TMEM181: variants seen among roughly 807,000 people sequenced by gnomAD.
The protein encoded by TMEM181 is transmembrane protein 181.
TMEM181 carries 39 observed loss-of-function variants against 71.9 expected under a neutral mutation model. The observed-to-expected ratio is 0.54, with a 90% CI of 0.42 to 0.71. The LOEUF is 0.71. TMEM181 is among the 30% of genes least tolerant of loss of function. The pLI is 0.00. For missense variants in TMEM181, 595 were observed against 583.0 expected (o/e 1.02, Z -0.21); for synonymous variants, 245 against 228.8 (o/e 1.07, Z -0.64).
upstream of TMEM181, among the ~76,000 whole-genome samples, chr6:158,557,173 A>G (rs12194633): frequency 6.6e-6 from 1 of 152,162 alleles, no homozygotes; most frequent in African/African-American, 2.4e-5. Flanking sequence ...CCAGGAGTTC[A>G]AGACCAGCCT....
chr6:158,622,268 GCT>G (rs546552555), intron 10 of TMEM181, among the ~76,000 whole-genome samples: 3 of 152,206 alleles, frequency 2.0e-5, no homozygotes, highest in South Asian at 2.1e-4. Flanking sequence ...TGTGTGACGT[GCT>G]CTCTCTTTTT....
upstream of TMEM181, chr6:158,560,053 T>G (rs1342495077): frequency 1.3e-5 from 13 of 984,640 alleles, no homozygotes; most frequent in Admixed American, 6.2e-5. Context: ...GCCGTGAGAG[T>G]CGCTTCCGCG....
At chr6:158,562,186 G>C (rs1782218511) in intron 1 of TMEM181, among the ~76,000 whole-genome samples, 1 of 152,148 alleles carries the variant, frequency 6.6e-6, no homozygotes, top group Admixed American at 6.5e-5. Flanking sequence ...AAATGTAGGA[G>C]AGATTGCCAT....
At chr6:158,560,697 G>T (rs766723704) in intron 1 of TMEM181, among the ~76,000 whole-genome samples, 1 of 152,234 alleles carries the variant, frequency 6.6e-6, no homozygotes, top group Non-Finnish European at 1.5e-5. Flanking sequence ...CGCCGGGTGC[G>T]AGGCTCTCAG....
chr6:158,600,069 T>C (rs775610082), intron 6 of TMEM181, among the ~76,000 whole-genome samples: 4 of 152,202 alleles, frequency 2.6e-5, no homozygotes, highest in Non-Finnish European at 4.4e-5. Flanking sequence ...CAGGGTCTCA[T>C]TTGAAAGCTG....
intron 1 of TMEM181, among the ~76,000 whole-genome samples, chr6:158,542,441 C>G (rs1781388252): frequency 6.6e-6 from 1 of 152,158 alleles, no homozygotes; most frequent in Non-Finnish European, 1.5e-5. Context: ...TCTAGCAAGA[C>G]CAAGTAACTT....
intron 1 of TMEM181, among the ~76,000 whole-genome samples, chr6:158,541,717 G>A (rs900158347): frequency 1.3e-5 from 2 of 152,114 alleles, no homozygotes; most frequent in African/African-American, 4.8e-5. Context: ...TAAGGCCAAC[G>A]TTATTTCCTG....
chr6:158,561,606 C>A (rs1446196981), intron 1 of TMEM181, among the ~76,000 whole-genome samples: 1 of 152,144 alleles, frequency 6.6e-6, no homozygotes, highest in Non-Finnish European at 1.5e-5. Context: ...GGGCCTTGGC[C>A]AGGACAGGGA....
At chr6:158,603,444 C>T (rs913448870) in intron 6 of TMEM181, among the ~76,000 whole-genome samples, 2 of 152,208 alleles carry the variant, frequency 1.3e-5, no homozygotes, top group South Asian at 2.1e-4. Context: ...CGGTAATGCT[C>T]GCTGGCCCAC....
chr6:158,618,308 T>TTTGTTG (rs376129600), intron 10 of TMEM181, among the ~76,000 whole-genome samples: 135 of 151,858 alleles, frequency 8.9e-4, no homozygotes, highest in Middle Eastern at 3.4e-3. Context: ...AACCCCTGCT[T>TTTGTTG]TTGTTGTTGT....
At chr6:158,631,195 A>G in intron 15 of TMEM181, 128 bp from the exon 16 acceptor site, 1 of 937,370 alleles carries the variant, frequency 1.1e-6, no homozygotes, top group Non-Finnish European at 1.7e-6. Context: ...AGGTTTATAC[A>G]GACATGGCAG....
chr6:158,536,957 CCCGCCGACGGCCGCCT>C (rs1781134617), intron 1 of TMEM181: 1 of 1,023,790 alleles, frequency 9.8e-7, no homozygotes, highest in Non-Finnish European at 1.2e-6. Flanking sequence ...TTGGCCTGGT[CCCGCCGACGGCCGCCT>C]CCGCCGGCCG....
intron 5 of TMEM181, among the ~76,000 whole-genome samples, chr6:158,587,916 A>G (rs1458955549): frequency 1.3e-5 from 2 of 152,210 alleles, no homozygotes; most frequent in Admixed American, 1.3e-4. Context: ...TTGTCTACCC[A>G]GCAAAAATGT....
In TMEM181 at chr6:158,620,135, A is replaced by T. The variant is rs1264938696; in HGVS notation, c.897-3415A>T. On this transcript the variant is annotated intron_variant, in intron 10 of 16. Transcript: ENST00000684151. The surrounding 1 kb of genome is among the most constrained non-coding windows in gnomAD (Gnocchi z 4.5). Reference sequence around the variant, plus strand: ...GAGTCCCTGTGAGCCAAGTTTGGCGAGGTTGTGAAGGAGACAGCCCAGAGG... The same window carrying T: ...GAGTCCCTGTGAGCCAAGTTTGGCGTGGTTGTGAAGGAGACAGCCCAGAGG... Among the ~76,000 whole-genome samples the T allele has an allele frequency of 6.6e-6, 1 of 152,086 alleles. No individual in the cohort carries two copies. Among genetic ancestry groups the T allele is most frequent in the Admixed American group, 6.6e-5 (1 of 15,264 alleles).
intron 5 of TMEM181, among the ~76,000 whole-genome samples, chr6:158,586,876 T>G (rs575702570): frequency 6.6e-6 from 1 of 152,134 alleles, no homozygotes; most frequent in African/African-American, 2.4e-5. Flanking sequence ...GTGTGCCTTA[T>G]GTGTGCAGCC....
intron 1 of TMEM181, among the ~76,000 whole-genome samples, chr6:158,553,518 A>G (rs1035784919): frequency 2.0e-5 from 3 of 152,222 alleles, no homozygotes; most frequent in Non-Finnish European, 4.4e-5. Context: ...TAAACCAACA[A>G]TATTAAATTA....
In TMEM181 at chr6:158,620,213, GC is replaced by G. The variant is rs1403063190; in HGVS notation, c.897-3334del. On this transcript the variant is annotated intron_variant, in intron 10 of 16. Transcript: ENST00000684151. This position sits in a 1 kb window ranked among gnomAD's most constrained non-coding sequence, Gnocchi z 4.5. ...GCACCATGTGGGCTGGTGAGAGGAG[GC>G]CCGGGGGGGTCTATTTTTATTAGGC... Among the ~76,000 whole-genome samples the G allele has an allele frequency of 6.6e-6, 1 of 151,826 alleles. No homozygotes were observed. The highest frequency in any genetic ancestry group is 6.6e-5 in the Admixed American group (1 of 15,264).
chr6:158,568,793 G>A (rs1405044375), intron 1 of TMEM181, among the ~76,000 whole-genome samples: 1 of 152,162 alleles, frequency 6.6e-6, no homozygotes, highest in Non-Finnish European at 1.5e-5. Context: ...TGGTCACTGA[G>A]CTGGTCTCAC....
chr6:158,598,382 C>A (rs2128310640), intron 6 of TMEM181, among the ~76,000 whole-genome samples: 1 of 152,274 alleles, frequency 6.6e-6, no homozygotes, highest in East Asian at 1.9e-4. Context: ...TGACCTTTGA[C>A]TGGGGAGTGA....
Sources: allele counts gnomAD v4.1 joint callset (sites outside exome capture counted in the v4.1 genomes callset), GRCh38; gene constraint gnomAD v4.1.1; non-coding constraint Gnocchi (gnomAD v3.1); transcripts MANE v1.5; gene names NCBI Gene and HGNC (gene_info 2026-07-23, HGNC 2026-07-21).